BAX: variants seen among roughly 807,000 people sequenced by gnomAD.
BAX encodes apoptosis regulator BAX.
Under a neutral mutation model 26.8 loss-of-function variants are expected in BAX, and 21 were observed. The ratio of observed to expected loss-of-function variants is 0.78; its 90% CI spans 0.56 to 1.13. BAX has a LOEUF of 1.13. BAX is among the 50% of genes most tolerant of loss of function. BAX has a pLI of 0.00. For missense variants in BAX, 236 were observed against 254.6 expected (o/e 0.93, Z 0.50); for synonymous variants, 110 against 101.8 (o/e 1.08, Z -0.49).
intron 5 of BAX, 100 bp from the exon 6 acceptor site, chr19:48,961,432 A>C (rs2122406122): frequency 1.6e-6 from 2 of 1,254,662 alleles, no homozygotes; most frequent in South Asian, 2.7e-5. Flanking sequence ...CCCTGCCCGC[A>C]ATCCTGCCTT....
chr19:48,959,149 G>A (rs2038249987), intron 4 of BAX, among the ~76,000 whole-genome samples: 1 of 151,314 alleles, frequency 6.6e-6, no homozygotes, highest in South Asian at 2.1e-4. Context: ...AGGAGATCGA[G>A]ACCATCCTGG....
At chr19:48,955,869 G>A (rs2038108244) in intron 3 of BAX, 36 bp downstream of exon 3, 1 of 1,546,898 alleles carries the variant, frequency 6.5e-7, no homozygotes, top group African/African-American at 1.4e-5. Context: ...TCCAGCCACT[G>A]GGCTCCTTCA....
chr19:48,961,728 T>C lies in BAX; in HGVS notation c.*92T>C. 1 of 966,826 alleles carries C rather than the reference T, an allele frequency of 1.0e-6. No homozygotes were observed. Among genetic ancestry groups the C allele is most frequent in the Non-Finnish European group, 1.5e-6 (1 of 665,452 alleles). The allele number at this position is 966,826 out of a possible 1,614,324, so 59.9% of individuals were successfully genotyped here. ...GATTGGGGGACGTGGGCATTTTTCT[T>C]ACTTTTGTAATTATTGGGGGGTGTG... On this transcript the variant is annotated 3_prime_UTR_variant, in exon 6 of 6. Transcript: ENST00000345358.
At position 48,955,833 on chromosome 19, in the gene BAX, G is replaced by C; in HGVS notation, c.233G>C (p.Arg78Thr). 6.3e-7 allele frequency: 1 copy of C among 1,586,750 alleles called. No individual in the cohort carries two copies. The stretch of plus-strand genomic sequence containing the variant: ...CTGGACAGTAACATGGAGCTGCAGA[G>C]GTGTGGGCCCCTGAGGACCCAGAAG... ...DELDSNMELQ[R>T]MIAAVDTDSP... is the part of the protein sequence containing the mutation. The change falls in exon 3 of 6, where the codon AGG becomes ACG. Residue 78 changes from arginine (R) to threonine (T), a missense_variant and splice_region_variant. Transcript: ENST00000345358.
At position 48,956,127 on chromosome 19, in the gene BAX, G is replaced by A. The variant is rs1009851639; in HGVS notation, c.234-71G>A. The A allele has an allele frequency of 7.6e-6, 11 of 1,442,026 alleles. No individual in the cohort carries two copies. In the East Asian group the frequency reaches 1.5e-4, roughly 20 times the overall value. The allele number at this position is 1,442,026 out of a possible 1,614,324, so 89.3% of individuals were successfully genotyped here. ...CTCAGTCTCCTTATCTTTAGTGTGC[G>A]GTGGATGCGGGAATTTTCCACCATC... On this transcript the variant is annotated intron_variant, in intron 3 of 5. Transcript: ENST00000345358.
Position 48,955,846 on chromosome 19 carries a change from GA to G in BAX, c.233+14del. On this transcript the variant is annotated intron_variant, in intron 3 of 5. Coordinates refer to ENST00000345358, the MANE Select transcript of BAX (RefSeq NM_138761.4). ...TGGAGCTGCAGAGGTGTGGGCCCCT[GA>G]GGACCCAGAAGTCCAGCCACTGGGC... 1.9e-6 allele frequency: 3 copies of G among 1,569,792 alleles called. No homozygotes were observed. The highest frequency in any genetic ancestry group is 2.6e-6 in the Non-Finnish European group (3 of 1,155,960).
Position 48,956,229 on chromosome 19 carries a change from C to CGA in BAX, c.269_270dup (p.Val91ArgfsTer43). ...TGCCGCCGTGGACACAGACTCCCCC[C>CGA]GAGAGGTCTTTTTCCGAGTGGCAGC... On this transcript the variant is annotated frameshift_variant, in exon 4 of 6. Transcript: ENST00000345358. LOFTEE classifies it high-confidence loss of function. 1 of 1,585,680 alleles carries CGA rather than the reference C, an allele frequency of 6.3e-7. No individual in the cohort carries two copies. The highest frequency in any genetic ancestry group is 8.6e-7 in the Non-Finnish European group (1 of 1,166,176).
intron 5 of BAX, chr19:48,961,262 TTC>T: frequency 7.0e-7 from 1 of 1,427,256 alleles, no homozygotes; most frequent in Non-Finnish European, 9.2e-7. Flanking sequence ...TTTTTTTTTT[TTC>T]CCCACTGAGA....
chr19:48,957,069 G>C (rs895309739), intron 4 of BAX, among the ~76,000 whole-genome samples: 1 of 150,196 alleles, frequency 6.7e-6, no homozygotes, highest in Non-Finnish European at 1.5e-5. Context: ...AGTGATCGGG[G>C]GGAAGAGGCA....
intron 4 of BAX, among the ~76,000 whole-genome samples, chr19:48,959,673 A>G (rs910279082): frequency 4.8e-4 from 72 of 151,136 alleles, no homozygotes; most frequent in Admixed American, 9.9e-4. Context: ...AAAAAAAAAA[A>G]AAAATAGCCC....
At chr19:48,959,960 T>C (rs1600111064) in intron 4 of BAX, among the ~76,000 whole-genome samples, 1 of 136,944 alleles carries the variant, frequency 7.3e-6, no homozygotes, top group African/African-American at 2.8e-5. Context: ...GCCACTGCAC[T>C]CCATCCTGGG....
At chr19:48,955,016 C>A in intron 1 of BAX, 54 bp downstream of exon 1, 1 of 1,240,954 alleles carries the variant, frequency 8.1e-7, no homozygotes, top group Non-Finnish European at 1.0e-6. Context: ...GCCGGCCCGT[C>A]CGGGATCCTT....
At chr19:48,961,113 T>C in intron 5 of BAX, 199 bp downstream of exon 5, 1 of 1,565,920 alleles carries the variant, frequency 6.4e-7, no homozygotes, top group Non-Finnish European at 8.6e-7. Context: ...CCCCGATTCA[T>C]CTACCCTGCT....
At chr19:48,957,892 G>T (rs2038200668) in intron 4 of BAX, among the ~76,000 whole-genome samples, 1 of 152,114 alleles carries the variant, frequency 6.6e-6, no homozygotes, top group African/African-American at 2.4e-5. Context: ...GCTTTTAACT[G>T]TGAAATTCTT....
intron 5 of BAX, 57 bp downstream of exon 5, chr19:48,960,971 C>G: frequency 6.2e-7 from 1 of 1,612,758 alleles, no homozygotes; most frequent in Non-Finnish European, 8.5e-7. Flanking sequence ...CCGCCCCTGC[C>G]CCACCGTCCC....
intron 5 of BAX, 50 bp downstream of exon 5, chr19:48,960,964 C>CCCCTGCCCCACCGT (rs763328495): frequency 1.9e-6 from 3 of 1,612,798 alleles, no homozygotes; most frequent in Admixed American, 1.7e-5. Context: ...CTCACCACCG[C>CCCCTGCCCCACCGT]CCCTGCCCCA....
intron 5 of BAX, 117 bp downstream of exon 5, chr19:48,961,031 G>T: frequency 6.2e-7 from 1 of 1,611,900 alleles, no homozygotes; most frequent in Middle Eastern, 1.6e-4. Context: ...GCAGGTCACA[G>T]TGGTGCCCTC....
At chr19:48,958,095 A>ATT (rs11400412) in intron 4 of BAX, among the ~76,000 whole-genome samples, 8,822 of 145,152 alleles carry the variant, frequency 0.061, 722 homozygotes, top group African/African-American at 0.19. Context: ...CGGGGGGGGC[A>ATT]TTTTTTTTTT....
intron 2 of BAX, 31 bp downstream of exon 2, chr19:48,955,630 G>A: frequency 6.2e-7 from 1 of 1,613,404 alleles, no homozygotes; most frequent in Non-Finnish European, 8.5e-7. Flanking sequence ...TTGTGGCACA[G>A]ATTTGAGGAG....
Sources: allele counts gnomAD v4.1 joint callset (sites outside exome capture counted in the v4.1 genomes callset), GRCh38; gene constraint gnomAD v4.1.1; transcripts MANE v1.5; gene names NCBI Gene and HGNC (gene_info 2026-07-23, HGNC 2026-07-21).